GALNT13: variants seen among roughly 807,000 people sequenced by gnomAD.
GALNT13 encodes UDP-GalNAc:polypeptide N-acetylgalactosaminyltransferase 13.
In GALNT13, 28 loss-of-function variants were observed where a neutral mutation model predicts 64.2. The ratio of observed to expected loss-of-function variants is 0.44; its 90% CI spans 0.32 to 0.60. The LOEUF (loss-of-function observed/expected upper bound fraction) is 0.60. Among genes scored for constraint, GALNT13 ranks in the 20% least tolerant of loss-of-function variants. GALNT13 has a pLI of 0.05. For missense variants in GALNT13, 577 were observed against 669.8 expected, an observed-to-expected ratio of 0.86 and a Z score of 1.53; for synonymous variants, 214 against 224.6, an observed-to-expected ratio of 0.95 and a Z score of 0.42.
intron 7 of GALNT13, among the ~76,000 whole-genome samples, chr2:154,257,095 T>C (rs1462810762): frequency 1.3e-5 from 2 of 151,998 alleles, no homozygotes. Context: ...TATCCAGGAG[T>C]ATCTGTCTTC....
Position 154,264,976 on chromosome 2 carries a change from A to T in GALNT13, c.975+5838A>T, listed in dbSNP as rs187145184. ...ATATATGATACCTATATGATAAAAA[A>T]AAATATATATATATGGAAAAGCAAT... is the stretch of plus-strand genomic sequence containing the variant. On this transcript the variant is annotated intron_variant, in intron 8 of 12. Coordinates refer to ENST00000392825, the MANE Select transcript of GALNT13 (RefSeq NM_052917.4). Among the ~76,000 whole-genome samples the T allele has an allele frequency of 7.1e-3, 997 of 141,010 alleles. 4 individuals carry two copies. The highest frequency in any genetic ancestry group is 0.033 in the Middle Eastern group (9 of 270). 92.5% of individuals were successfully genotyped at this position (141,010 alleles called of 152,430 possible).
chr2:153,803,209 T>C, the GALNT13 span, among the ~76,000 whole-genome samples: 2 of 152,164 alleles, frequency 1.3e-5, no homozygotes, highest in Non-Finnish European at 2.9e-5. Context: ...GATATTTTCA[T>C]TGTTTTATTT....
At chr2:154,335,694 A>C (rs990257607) in intron 9 of GALNT13, among the ~76,000 whole-genome samples, 1 of 152,000 alleles carries the variant, frequency 6.6e-6, no homozygotes, top group Non-Finnish European at 1.5e-5. Flanking sequence ...ATAACGCGTA[A>C]TATTATAGGG....
chr2:153,960,579 A>G (rs1558875850), intron 3 of GALNT13, among the ~76,000 whole-genome samples: 3 of 152,278 alleles, frequency 2.0e-5, no homozygotes, highest in East Asian at 1.9e-4. Flanking sequence ...GGGGTGGTTT[A>G]TTCAGGGAAG....
chr2:153,128,772 G>A, the GALNT13 span, among the ~76,000 whole-genome samples: 1 of 152,032 alleles, frequency 6.6e-6, no homozygotes, highest in Non-Finnish European at 1.5e-5. Flanking sequence ...AGTGCCACGT[G>A]GCTGTGGAAG....
chr2:153,942,376 G>A (rs1395809743), intron 2 of GALNT13, among the ~76,000 whole-genome samples: 2 of 151,974 alleles, frequency 1.3e-5, no homozygotes, highest in Admixed American at 1.3e-4. Context: ...AATGTTATAG[G>A]TACTTCTCCA....
the GALNT13 span, among the ~76,000 whole-genome samples, chr2:153,458,710 T>C: frequency 2.6e-5 from 4 of 152,202 alleles, no homozygotes. Context: ...CTGGAAAAAG[T>C]AGTTATTTAA....
At chr2:154,112,230 C>T (rs1477980855) in intron 3 of GALNT13, among the ~76,000 whole-genome samples, 1 of 152,186 alleles carries the variant, frequency 6.6e-6, no homozygotes, top group Non-Finnish European at 1.5e-5. Flanking sequence ...TCAGCAGTCA[C>T]TGTAGCTAGG....
In GALNT13 at chr2:154,105,315, G is replaced by A. The variant is rs201414388; in HGVS notation, c.143-35022G>A. Among the ~76,000 whole-genome samples, 6 of 152,180 alleles carry A rather than the reference G, an allele frequency of 3.9e-5. 1 individual carries two copies. In the East Asian group the frequency reaches 9.7e-4, roughly 25 times the overall value. On this transcript the variant is annotated intron_variant, in intron 3 of 12. Transcript: ENST00000392825. ...TTGAAAATAGTCATGTACCACATAA[G>A]GACATTTCAGTCAAGAATGGGCTGA... is the stretch of plus-strand genomic sequence containing the variant.
intron 3 of GALNT13, among the ~76,000 whole-genome samples, chr2:154,120,798 A>G (rs1007395353): frequency 3.9e-5 from 6 of 152,108 alleles, no homozygotes; most frequent in Admixed American, 3.9e-4. Context: ...TTTTAAGTGC[A>G]CTGAGAAGTT....
At chr2:153,288,517 A>G in the GALNT13 span, among the ~76,000 whole-genome samples, 1 of 152,202 alleles carries the variant, frequency 6.6e-6, no homozygotes, top group East Asian at 1.9e-4. Context: ...GACATGAATC[A>G]ACCCTTTGCT....
chr2:153,474,252 G>A, the GALNT13 span, among the ~76,000 whole-genome samples: 1 of 152,192 alleles, frequency 6.6e-6, no homozygotes, highest in Non-Finnish European at 1.5e-5. Flanking sequence ...TCATAGAATT[G>A]GAAGGTTCTT....
At chr2:153,224,053 A>G in the GALNT13 span, among the ~76,000 whole-genome samples, 1 of 152,224 alleles carries the variant, frequency 6.6e-6, no homozygotes, top group African/African-American at 2.4e-5. Flanking sequence ...TAGCATAAGT[A>G]AATGTATTAA....
the GALNT13 span, among the ~76,000 whole-genome samples, chr2:153,181,037 T>TTTTC: frequency 1.4e-5 from 2 of 142,238 alleles, 1 homozygote; most frequent in South Asian, 4.3e-4. Context: ...TTTCTTTTTT[T>TTTTC]TTTTTTTTTT....
Position 153,893,907 on chromosome 2 carries a change from A to C in GALNT13, c.-176-7029A>C, listed in dbSNP as rs1687726082. Among the ~76,000 whole-genome samples the C allele has an allele frequency of 1.3e-5, 2 of 152,114 alleles. 1 individual carries two copies. Among genetic ancestry groups the C allele is most frequent in the South Asian group, 4.1e-4 (2 of 4,830 alleles). On this transcript the variant is annotated intron_variant, in intron 1 of 12. Transcript: ENST00000392825. ...TGGGTCAAAAAGTAAGGATATGCAAAGGAAAAGGCAGCATTTCTTCAGAAA... is the reference window on the plus strand; with the variant it reads ...TGGGTCAAAAAGTAAGGATATGCAACGGAAAAGGCAGCATTTCTTCAGAAA...
At chr2:153,457,312 G>A in the GALNT13 span, among the ~76,000 whole-genome samples, 2 of 152,128 alleles carry the variant, frequency 1.3e-5, no homozygotes, top group South Asian at 4.1e-4. Flanking sequence ...GTTGCATTAG[G>A]AAAATGTCTG....
the GALNT13 span, among the ~76,000 whole-genome samples, chr2:153,626,971 G>GA: frequency 6.6e-6 from 1 of 152,084 alleles, no homozygotes; most frequent in African/African-American, 2.4e-5. Context: ...ATAAACAGAG[G>GA]AAAATGCACA....
the GALNT13 span, among the ~76,000 whole-genome samples, chr2:153,511,662 A>T: frequency 2.6e-5 from 4 of 152,208 alleles, no homozygotes; most frequent in African/African-American, 9.6e-5. Context: ...TGTGTTGGGT[A>T]CAAGTTCAGA....
intron 9 of GALNT13, among the ~76,000 whole-genome samples, chr2:154,371,086 A>G (rs1204350808): frequency 6.6e-6 from 1 of 152,136 alleles, no homozygotes; most frequent in Non-Finnish European, 1.5e-5. Flanking sequence ...AGAAGTGACT[A>G]TGAGATCAGG....
Sources: allele counts gnomAD v4.1 joint callset (sites outside exome capture counted in the v4.1 genomes callset), GRCh38; gene constraint gnomAD v4.1.1; transcripts MANE v1.5; gene names NCBI Gene and HGNC (gene_info 2026-07-23, HGNC 2026-07-21).